EYA2: variants seen among roughly 807,000 people sequenced by gnomAD.
The protein encoded by EYA2 is EYA transcriptional coactivator and phosphatase 2.
EYA2 carries 31 observed loss-of-function variants against 69.2 expected under a neutral mutation model. That is an observed-to-expected ratio of 0.45 (90% CI 0.34 to 0.60). The LOEUF is 0.60. Among genes scored for constraint, EYA2 ranks in the 20% least tolerant of loss-of-function variants. The pLI, the probability that EYA2 is intolerant of heterozygous loss-of-function variation, is 0.02. For missense variants in EYA2, 622 were observed against 701.2 expected (o/e 0.89, Z 1.28); for synonymous variants, 257 against 279.4 (o/e 0.92, Z 0.80).
At chr20:47,057,362 A>G (rs1766012005) in intron 5 of EYA2, among the ~76,000 whole-genome samples, 2 of 152,158 alleles carry the variant, frequency 1.3e-5, no homozygotes, top group African/African-American at 4.8e-5. Context: ...ACAGAGAAAT[A>G]GACTATGAAG....
chr20:46,923,177 G>A (rs1397123160), intron 1 of EYA2, among the ~76,000 whole-genome samples: 1 of 152,168 alleles, frequency 6.6e-6, no homozygotes, highest in Non-Finnish European at 1.5e-5. Context: ...AAACCAGCCT[G>A]GGCAACATGG....
Position 47,039,374 on chromosome 20 carries a change from C to T in EYA2, c.415+23077C>T, listed in dbSNP as rs145434898. ...CTACTAATAAAGTTTTATTGGCACACGGCCACATCCATTCATTATGTCTAT... is the reference window on the plus strand; with the variant it reads ...CTACTAATAAAGTTTTATTGGCACATGGCCACATCCATTCATTATGTCTAT... On this transcript the variant is annotated intron_variant, in intron 5 of 15. Coordinates refer to ENST00000327619, the MANE Select transcript of EYA2 (RefSeq NM_005244.5). Among the ~76,000 whole-genome samples, 856 of 152,290 alleles carry T rather than the reference C, an allele frequency of 5.6e-3. 6 individuals carry two copies. Among genetic ancestry groups the T allele is most frequent in the South Asian group, 0.011 (51 of 4,822 alleles).
At chr20:47,039,131 A>G (rs62202478) in intron 5 of EYA2, among the ~76,000 whole-genome samples, 1,298 of 98,602 alleles carry the variant, frequency 0.013, 7 homozygotes, top group Middle Eastern at 0.022. Context: ...ACACACACAC[A>G]CGCGCGCACA....
At chr20:47,144,213 G>C (rs538820265) in intron 10 of EYA2, among the ~76,000 whole-genome samples, 2 of 152,058 alleles carry the variant, frequency 1.3e-5, no homozygotes, top group Non-Finnish European at 2.9e-5. Context: ...AAAATTAGCC[G>C]GGCATGGTGG....
At chr20:47,087,682 G>A (rs1159172003) in intron 7 of EYA2, among the ~76,000 whole-genome samples, 4 of 152,158 alleles carry the variant, frequency 2.6e-5, no homozygotes, top group Non-Finnish European at 4.4e-5. Flanking sequence ...GACAATCGCC[G>A]GTGGGCACAA....
chr20:47,171,698 G>A (rs2034325358), intron 11 of EYA2, among the ~76,000 whole-genome samples: 1 of 152,056 alleles, frequency 6.6e-6, no homozygotes, highest in Non-Finnish European at 1.5e-5. Flanking sequence ...TGTCCATCCT[G>A]GACACTGGTT....
At chr20:47,008,281 AGAGGTTAAATAACTTACCCAAG>A (rs1982845213) in intron 4 of EYA2, among the ~76,000 whole-genome samples, 1 of 152,184 alleles carries the variant, frequency 6.6e-6, no homozygotes, top group Non-Finnish European at 1.5e-5. Context: ...AGAGACTCAG[AGAGGTTAAATAACTTACCCAAG>A]GTCACCCAGC....
intron 4 of EYA2, among the ~76,000 whole-genome samples, chr20:47,013,695 G>A (rs1983225477): frequency 6.7e-6 from 1 of 149,294 alleles, no homozygotes; most frequent in Non-Finnish European, 1.5e-5. Flanking sequence ...AGGAAAGGCA[G>A]TGAGGTCGGA....
intron 9 of EYA2, among the ~76,000 whole-genome samples, chr20:47,110,563 A>T (rs1371557439): frequency 6.6e-6 from 1 of 152,174 alleles, no homozygotes; most frequent in Non-Finnish European, 1.5e-5. Context: ...CTAGTGATCC[A>T]TGTGACTGTC....
intron 15 of EYA2, among the ~76,000 whole-genome samples, chr20:47,187,204 A>G (rs1443198663): frequency 6.8e-6 from 1 of 146,830 alleles, no homozygotes; most frequent in Non-Finnish European, 1.5e-5. Flanking sequence ...CCCTATCTCT[A>G]CAAAAAATAC....
At chr20:46,950,413 A>G (rs1005993842) in intron 1 of EYA2, among the ~76,000 whole-genome samples, 1 of 152,120 alleles carries the variant, frequency 6.6e-6, no homozygotes, top group Non-Finnish European at 1.5e-5. Flanking sequence ...TGGAGGTCTC[A>G]TGGCTGGGCA....
At chr20:46,942,170 A>T (rs911012158) in intron 1 of EYA2, among the ~76,000 whole-genome samples, 1 of 151,958 alleles carries the variant, frequency 6.6e-6, no homozygotes, top group East Asian at 1.9e-4. Context: ...GTGGTGGACA[A>T]CCTAAGGAAA....
At chr20:47,021,000 C>T (rs892807888) in intron 5 of EYA2, among the ~76,000 whole-genome samples, 15 of 152,282 alleles carry the variant, frequency 9.9e-5, no homozygotes, top group African/African-American at 3.6e-4. Flanking sequence ...ACTTCTCAGT[C>T]CTCCAGTTTC....
chr20:47,156,914 G>T (rs919555097), intron 10 of EYA2, among the ~76,000 whole-genome samples: 1 of 151,914 alleles, frequency 6.6e-6, no homozygotes. Flanking sequence ...CTGCATTCAT[G>T]TCTCCAAGCA....
At chr20:46,990,141 T>G (rs1442407974) in intron 2 of EYA2, 22 bp downstream of exon 2, 2 of 1,415,872 alleles carry the variant, frequency 1.4e-6, no homozygotes, top group African/African-American at 1.4e-5. Context: ...GCTGTGAGTT[T>G]GGGTCAACAG....
intron 5 of EYA2, among the ~76,000 whole-genome samples, chr20:47,020,920 G>T (rs1029518110): frequency 4.6e-5 from 7 of 152,166 alleles, no homozygotes; most frequent in African/African-American, 1.4e-4. Flanking sequence ...TAAAAGCAGG[G>T]ACTCTGAAGT....
chr20:47,137,237 A>T (rs2033497765), intron 9 of EYA2, among the ~76,000 whole-genome samples: 1 of 152,156 alleles, frequency 6.6e-6, no homozygotes, highest in Admixed American at 6.5e-5. Flanking sequence ...GCTTCAGAAA[A>T]TGGGTTTCAT....
chr20:47,168,581 C>T (rs1196683338), intron 10 of EYA2, among the ~76,000 whole-genome samples: 2 of 151,870 alleles, frequency 1.3e-5, no homozygotes, highest in African/African-American at 4.9e-5. Context: ...CAATGGCAAG[C>T]CCTGGGGATA....
intron 8 of EYA2, among the ~76,000 whole-genome samples, chr20:47,092,610 G>A (rs868450625): frequency 2.0e-5 from 3 of 152,284 alleles, no homozygotes; most frequent in Admixed American, 6.5e-5. Context: ...GTAGGGGAAC[G>A]GCGGGGGTAG....
Sources: gnomAD v4.1 joint callset for allele counts (sites outside exome capture counted in the v4.1 genomes callset) on GRCh38, gnomAD v4.1.1 for gene constraint, MANE v1.5 for transcripts, NCBI Gene and HGNC (gene_info 2026-07-23, HGNC 2026-07-21) for gene names.